The following CNTNAP2 variants were observed in gnomAD, a reference collection of about 807,000 sequenced individuals.
CNTNAP2 encodes contactin associated protein 2, also known as contactin-associated protein-like 2.
Under a neutral mutation model 155.2 loss-of-function variants are expected in CNTNAP2, and 98 were observed. The ratio of observed to expected loss-of-function variants is 0.63; its 90% confidence interval spans 0.54 to 0.75. The LOEUF is 0.75. Among genes scored for constraint, CNTNAP2 ranks in the 30% least tolerant of loss-of-function variants. The pLI is 0.00. For synonymous variants in CNTNAP2, 651 were observed against 631.2 expected, an observed-to-expected ratio of 1.03 and a Z score of -0.47; for missense variants, 1,727 against 1,688.1, an observed-to-expected ratio of 1.02 and a Z score of -0.40.
intron 3 of CNTNAP2, among the ~76,000 whole-genome samples, chr7:146,937,381 A>C (rs1387629187): frequency 6.6e-6 from 1 of 151,604 alleles, no homozygotes; most frequent in East Asian, 1.9e-4. Flanking sequence ...AAATAAAATA[A>C]AATAAATAAA....
intron 4 of CNTNAP2, among the ~76,000 whole-genome samples, chr7:147,064,875 G>A (rs1286380164): frequency 6.6e-6 from 1 of 152,118 alleles, no homozygotes; most frequent in African/African-American, 2.4e-5. Flanking sequence ...CTAAGACTGT[G>A]AAGCCCACAT....
chr7:146,860,852 C>T (rs1795084989), intron 3 of CNTNAP2, among the ~76,000 whole-genome samples: 1 of 151,764 alleles, frequency 6.6e-6, no homozygotes, highest in South Asian at 2.1e-4. Flanking sequence ...ATAATAATAA[C>T]CTCCTTTGGA....
At chr7:147,813,211 G>T (rs2116609899) in intron 13 of CNTNAP2, among the ~76,000 whole-genome samples, 1 of 151,550 alleles carries the variant, frequency 6.6e-6, no homozygotes, top group Middle Eastern at 3.5e-3. Flanking sequence ...AAGATTTCAT[G>T]CCAATAAAAT....
chr7:148,235,444 A>G (rs1427835860), intron 20 of CNTNAP2, among the ~76,000 whole-genome samples: 3 of 152,198 alleles, frequency 2.0e-5, no homozygotes, highest in African/African-American at 7.2e-5. Flanking sequence ...ATATTTTCAG[A>G]AAAGGAAAGT....
At chr7:146,151,213 G>A (rs895152159) in intron 1 of CNTNAP2, among the ~76,000 whole-genome samples, 1 of 151,896 alleles carries the variant, frequency 6.6e-6, no homozygotes, top group African/African-American at 2.4e-5. Flanking sequence ...ATGAGATTTG[G>A]GTGGGGACAC....
At chr7:148,353,392 G>A (rs1798461620) in intron 21 of CNTNAP2, among the ~76,000 whole-genome samples, 4 of 152,182 alleles carry the variant, frequency 2.6e-5, no homozygotes, top group African/African-American at 9.7e-5. Flanking sequence ...TGGAACTCGA[G>A]GGCAGCATGC....
At chr7:147,497,399 T>C (rs549561949) in intron 11 of CNTNAP2, among the ~76,000 whole-genome samples, 5 of 152,182 alleles carry the variant, frequency 3.3e-5, no homozygotes, top group African/African-American at 1.2e-4. Flanking sequence ...TCATTTCTCA[T>C]TAGCAGGCAT....
At chr7:147,659,018 CAG>C (rs1308212943) in intron 13 of CNTNAP2, among the ~76,000 whole-genome samples, 1 of 152,138 alleles carries the variant, frequency 6.6e-6, no homozygotes, top group Non-Finnish European at 1.5e-5. Context: ...TGTAAGACAA[CAG>C]AGATGATTGC....
chr7:147,409,869 T>A lies in CNTNAP2; in HGVS notation c.1670+14089T>A, dbSNP rs147751483. Among the ~76,000 whole-genome samples, 104 of 150,934 alleles carry A rather than the reference T, an allele frequency of 6.9e-4. 6 individuals carry two copies. The East Asian group carries it at 0.019, about 28-fold the overall frequency. ...ACAATAAGATACCATCTCAGGCTAG[T>A]CAAAATGGCTATTATTAAAACGTCA... On this transcript the variant is annotated intron_variant, in intron 10 of 23. Coordinates refer to ENST00000361727, the MANE Select transcript of CNTNAP2 (RefSeq NM_014141.6).
chr7:146,950,208 T>C (rs1018646916), intron 3 of CNTNAP2, among the ~76,000 whole-genome samples: 1 of 152,162 alleles, frequency 6.6e-6, no homozygotes, highest in Non-Finnish European at 1.5e-5. Flanking sequence ...GGTCTGGCTT[T>C]CTTTAAAGAT....
At chr7:148,296,966 T>C (rs1333121913) in intron 21 of CNTNAP2, among the ~76,000 whole-genome samples, 1 of 152,168 alleles carries the variant, frequency 6.6e-6, no homozygotes, top group East Asian at 1.9e-4. Flanking sequence ...TGGCTTATGC[T>C]CATTGTCTCC....
chr7:146,665,783 T>TAAAAAAACAAAAAAAAAAAAAAAA (rs1554464843), intron 1 of CNTNAP2, among the ~76,000 whole-genome samples: 1 of 48,282 alleles, frequency 2.1e-5, no homozygotes, highest in African/African-American at 1.1e-4. Context: ...TCTGTCTCAT[T>TAAAAAAACAAAAAAAAAAAAAAAA]AAAAAAAAAA....
At chr7:147,839,911 G>A (rs568540759) in intron 13 of CNTNAP2, among the ~76,000 whole-genome samples, 1 of 150,420 alleles carries the variant, frequency 6.6e-6, no homozygotes, top group Admixed American at 6.6e-5. Context: ...ATATATGTGT[G>A]TGTGTGTGCT....
At chr7:146,721,380 C>CTA (rs1193235869) in intron 1 of CNTNAP2, among the ~76,000 whole-genome samples, 2 of 111,700 alleles carry the variant, frequency 1.8e-5, no homozygotes, top group Non-Finnish European at 3.5e-5. Context: ...TATATACATT[C>CTA]TATATACATT....
At chr7:146,714,514 T>C (rs1418855014) in intron 1 of CNTNAP2, among the ~76,000 whole-genome samples, 1 of 152,150 alleles carries the variant, frequency 6.6e-6, no homozygotes, top group African/African-American at 2.4e-5. Context: ...GATATTTTTT[T>C]GTAAACTTAG....
intron 6 of CNTNAP2, among the ~76,000 whole-genome samples, chr7:147,124,846 G>A (rs1041450236): frequency 5.6e-5 from 8 of 143,482 alleles, no homozygotes; most frequent in South Asian, 2.3e-4. Flanking sequence ...CTCCTTTGAT[G>A]TAACTCTATG....
chr7:146,890,428 G>A (rs887918092), intron 3 of CNTNAP2, among the ~76,000 whole-genome samples: 1 of 152,098 alleles, frequency 6.6e-6, no homozygotes, highest in Non-Finnish European at 1.5e-5. Flanking sequence ...TTTCCAGCCA[G>A]CTTTTCAACA....
intron 1 of CNTNAP2, among the ~76,000 whole-genome samples, chr7:146,553,778 A>G (rs541926218): frequency 1.1e-4 from 17 of 149,674 alleles, no homozygotes; most frequent in Non-Finnish European, 2.1e-4. Flanking sequence ...TTTGTTTCTT[A>G]AAAAAAAAAT....
intron 2 of CNTNAP2, among the ~76,000 whole-genome samples, chr7:146,809,228 G>A (rs541697387): frequency 5.7e-4 from 86 of 152,104 alleles, no homozygotes; most frequent in African/African-American, 2.0e-3. Context: ...CCTCCCAAAC[G>A]TTGTTGTTTC....
Sources: gnomAD v4.1 joint callset for allele counts (sites outside exome capture counted in the v4.1 genomes callset) on GRCh38, gnomAD v4.1.1 for gene constraint, MANE v1.5 for transcripts, NCBI Gene and HGNC (gene_info 2026-07-23, HGNC 2026-07-21) for gene names.